Variants in GRIP1 observed in about 807,000 individuals in gnomAD.
GRIP1 encodes the protein glutamate receptor-interacting protein 1.
Under a neutral mutation model 129.9 loss-of-function variants are expected in GRIP1, and 45 were observed. That is an observed-to-expected ratio of 0.35 (90% CI 0.27 to 0.44). The LOEUF is 0.44. Ranked by LOEUF, GRIP1 falls within the 20% of genes least tolerant of loss-of-function variation. The pLI is 1.00. For missense variants in GRIP1, 1,196 were observed against 1,396.8 expected (o/e 0.86, Z 2.29); for synonymous variants, 530 against 520.8 (o/e 1.02, Z -0.24).
At chr12:66,738,088 C>T (rs563778921) in intron 1 of GRIP1, among the ~76,000 whole-genome samples, 22 of 152,206 alleles carry the variant, frequency 1.4e-4, no homozygotes, top group African/African-American at 5.1e-4. Context: ...GAGAGAAGCA[C>T]AGGTGTTGAA....
At chr12:66,744,722 T>G (rs1040306398) in intron 1 of GRIP1, among the ~76,000 whole-genome samples, 5 of 152,140 alleles carry the variant, frequency 3.3e-5, no homozygotes, top group Non-Finnish European at 7.4e-5. Flanking sequence ...CAGTACCTCA[T>G]TCTCTGTATA....
At chr12:66,847,575 G>A (rs972913361) in intron 1 of GRIP1, among the ~76,000 whole-genome samples, 6 of 152,086 alleles carry the variant, frequency 3.9e-5, no homozygotes, top group Admixed American at 2.0e-4. Flanking sequence ...ACTTATGTAT[G>A]TCATTAATGT....
At chr12:66,758,625 A>G (rs1462164988) in intron 1 of GRIP1, among the ~76,000 whole-genome samples, 2 of 152,214 alleles carry the variant, frequency 1.3e-5, no homozygotes, top group East Asian at 1.9e-4. Flanking sequence ...CCTTCTGCCT[A>G]TGAGCCTGCA....
In GRIP1 at chr12:66,804,185, T is replaced by C. The variant is rs188023307; in HGVS notation, c.-552A>G. The C allele has an allele frequency of 6.6e-6, 3 of 455,316 alleles. No individual in the cohort carries two copies. The Admixed American group carries it at 7.1e-5, about 11-fold the overall frequency. 28.2% of individuals were successfully genotyped at this position (455,316 alleles called of 1,614,324 possible). ...TTGACAAAACCCAGGAAGCGGTCCATCTCTTACTCACCGTGCAGCGCGGCA... is the reference window on the plus strand; with the variant it reads ...TTGACAAAACCCAGGAAGCGGTCCACCTCTTACTCACCGTGCAGCGCGGCA... On this transcript the variant is annotated 5_prime_UTR_variant, in exon 1 of 5. Transcript: ENST00000538373.
intron 15 of GRIP1, among the ~76,000 whole-genome samples, chr12:66,418,752 GACCC>G (rs2057699911): frequency 6.6e-6 from 1 of 152,094 alleles, no homozygotes; most frequent in African/African-American, 2.4e-5. Flanking sequence ...GATATCATCT[GACCC>G]GAGTTAAAAT....
At chr12:66,790,691 A>G (rs1036190630) in intron 1 of GRIP1, among the ~76,000 whole-genome samples, 2 of 152,162 alleles carry the variant, frequency 1.3e-5, no homozygotes, top group Non-Finnish European at 2.9e-5. Flanking sequence ...GGTACTGGGA[A>G]CATATTTGGG....
intron 7 of GRIP1, among the ~76,000 whole-genome samples, chr12:66,477,680 G>C (rs2059661613): frequency 3.9e-5 from 6 of 152,120 alleles, no homozygotes. Flanking sequence ...CCAAAACAGA[G>C]ATATAGGCTA....
At chr12:66,870,600 A>C (rs1401793974) in intron 1 of GRIP1, among the ~76,000 whole-genome samples, 1 of 152,140 alleles carries the variant, frequency 6.6e-6, no homozygotes, top group Admixed American at 6.6e-5. Context: ...GAATGCACCT[A>C]ATCTAAATAC....
At chr12:67,046,311 C>A (rs994708207) in intron 1 of GRIP1, among the ~76,000 whole-genome samples, 3 of 152,108 alleles carry the variant, frequency 2.0e-5, no homozygotes, top group Non-Finnish European at 4.4e-5. Context: ...TCAGGAAGAT[C>A]CAAAGATCTC....
At chr12:66,376,599 G>C (rs6581677) in intron 22 of GRIP1, among the ~76,000 whole-genome samples, 79,098 of 152,068 alleles carry the variant, frequency 0.52, 21,297 homozygotes, top group East Asian at 0.78. Flanking sequence ...GCAATGTACT[G>C]TGTAATATTT....
intron 1 of GRIP1, among the ~76,000 whole-genome samples, chr12:66,978,730 T>A (rs1490351190): frequency 6.6e-6 from 1 of 152,174 alleles, no homozygotes; most frequent in Non-Finnish European, 1.5e-5. Flanking sequence ...TAAAAATAAC[T>A]AATGGAAAAC....
intron 7 of GRIP1, among the ~76,000 whole-genome samples, chr12:66,484,436 G>A (rs1207550384): frequency 6.6e-6 from 1 of 152,154 alleles, no homozygotes; most frequent in African/African-American, 2.4e-5. Flanking sequence ...CAACCTAAGT[G>A]TCTATTGATG....
At chr12:66,610,878 TACAGAA>T (rs1465715164) in intron 1 of GRIP1, among the ~76,000 whole-genome samples, 1 of 152,164 alleles carries the variant, frequency 6.6e-6, no homozygotes. Flanking sequence ...ATCCACTGCA[TACAGAA>T]ATAGCTTAGA....
At chr12:66,520,067 A>G (rs1057281482) in intron 5 of GRIP1, among the ~76,000 whole-genome samples, 1 of 152,224 alleles carries the variant, frequency 6.6e-6, no homozygotes, top group African/African-American at 2.4e-5. Context: ...TCCATTCATC[A>G]GCTAAAAGCT....
intron 1 of GRIP1, among the ~76,000 whole-genome samples, chr12:66,653,399 C>T (rs765875572): frequency 6.6e-6 from 1 of 152,176 alleles, no homozygotes; most frequent in Non-Finnish European, 1.5e-5. Flanking sequence ...GCCAACTTAT[C>T]CCCTGGAAGT....
At chr12:66,648,337 C>T (rs754755202) in intron 1 of GRIP1, among the ~76,000 whole-genome samples, 14 of 152,194 alleles carry the variant, frequency 9.2e-5, no homozygotes, top group Non-Finnish European at 2.1e-4. Context: ...TAGTGCTTTG[C>T]CTTTCTCTAT....
intron 1 of GRIP1, among the ~76,000 whole-genome samples, chr12:66,599,803 C>T (rs1184683592): frequency 1.3e-5 from 2 of 152,144 alleles, no homozygotes; most frequent in African/African-American, 4.8e-5. Flanking sequence ...ACCACTCTTT[C>T]ATTATAAATG....
intron 1 of GRIP1, among the ~76,000 whole-genome samples, chr12:66,622,996 A>C (rs1294453213): frequency 6.6e-6 from 1 of 152,178 alleles, no homozygotes; most frequent in African/African-American, 2.4e-5. Context: ...TATGAATTCC[A>C]TGAGGACATT....
At chr12:66,567,676 C>G (rs192853297) in intron 2 of GRIP1, 8 of 218,952 alleles carry the variant, frequency 3.7e-5, no homozygotes, top group Non-Finnish European at 6.9e-5. Flanking sequence ...ACTGCATTTT[C>G]CCCTGTTGCA....
Sources: gnomAD v4.1 joint callset for allele counts (sites outside exome capture counted in the v4.1 genomes callset) on GRCh38, gnomAD v4.1.1 for gene constraint, MANE v1.5 for transcripts, NCBI Gene and HGNC (gene_info 2026-07-23, HGNC 2026-07-21) for gene names.